Variants in RAPGEF4 observed in about 807,000 individuals in gnomAD.
The protein encoded by RAPGEF4 is Rap guanine nucleotide exchange factor 4.
Under a neutral mutation model 147.9 loss-of-function variants are expected in RAPGEF4, and 66 were observed. The ratio of observed to expected loss-of-function variants is 0.45; its 90% confidence interval spans 0.37 to 0.55. The LOEUF (loss-of-function observed/expected upper bound fraction) is 0.55. RAPGEF4 is among the 20% of genes least tolerant of loss of function. The pLI, the probability that RAPGEF4 is intolerant of heterozygous loss-of-function variation, is 0.00. For synonymous variants in RAPGEF4, 419 were observed against 442.7 expected, an observed-to-expected ratio of 0.95 and a Z score of 0.67; for missense variants, 1,071 against 1,257.3, an observed-to-expected ratio of 0.85 and a Z score of 2.24.
intron 4 of RAPGEF4, chr2:172,894,172 CCTT>C (rs1231144543): frequency 6.6e-6 from 1 of 152,322 alleles, no homozygotes; most frequent in African/African-American, 2.4e-5. Context: ...CACTGCACCA[CCTT>C]CTTCTTTTGC....
At chr2:172,947,655 GTGCTACTCAAATGTT>G (rs1687806341) in intron 6 of RAPGEF4, among the ~76,000 whole-genome samples, 2 of 152,150 alleles carry the variant, frequency 1.3e-5, no homozygotes, top group African/African-American at 4.8e-5. Flanking sequence ...ATATGAGTAA[GTGCTACTCAAATGTT>G]TTTATAAACT....
intron 18 of RAPGEF4, 90 bp from the exon 19 acceptor site, chr2:173,016,259 A>G (rs1695499296): frequency 1.2e-6 from 1 of 839,558 alleles, no homozygotes; most frequent in Non-Finnish European, 2.0e-6. Flanking sequence ...GGTGAAGCAG[A>G]TGACATAGGG....
intron 6 of RAPGEF4, among the ~76,000 whole-genome samples, chr2:172,945,818 C>T (rs111704126): frequency 0.021 from 3,129 of 152,226 alleles, 114 homozygotes; most frequent in African/African-American, 0.071. Context: ...AATAAAGACA[C>T]TGGCTATGTT....
At chr2:172,778,385 T>G (rs1684374276) in intron 1 of RAPGEF4, among the ~76,000 whole-genome samples, 1 of 152,180 alleles carries the variant, frequency 6.6e-6, no homozygotes, top group Non-Finnish European at 1.5e-5. Context: ...CTCCAATGTA[T>G]CTACATACCC....
At chr2:172,827,606 A>G (rs2149656980) in intron 4 of RAPGEF4, among the ~76,000 whole-genome samples, 1 of 152,300 alleles carries the variant, frequency 6.6e-6, no homozygotes, top group Middle Eastern at 3.4e-3. Flanking sequence ...GGAATTGACC[A>G]GGACATAGTG....
chr2:172,769,253 A>G (rs2149484729), intron 1 of RAPGEF4, among the ~76,000 whole-genome samples: 1 of 152,342 alleles, frequency 6.6e-6, no homozygotes, highest in Middle Eastern at 3.4e-3. Flanking sequence ...GTGTGTATGC[A>G]TGGGAGTCAC....
intron 4 of RAPGEF4, among the ~76,000 whole-genome samples, chr2:172,901,265 T>C (rs1216026266): frequency 1.3e-5 from 2 of 152,254 alleles, no homozygotes; most frequent in Non-Finnish European, 2.9e-5. Flanking sequence ...TATTCCTCTG[T>C]ACTTCCTTTT....
intron 8 of RAPGEF4, among the ~76,000 whole-genome samples, chr2:172,964,049 C>T (rs1402215808): frequency 1.3e-5 from 2 of 152,092 alleles, no homozygotes; most frequent in South Asian, 2.1e-4. Context: ...TAAAGGTAAT[C>T]ACTGAATTAA....
intron 3 of RAPGEF4, among the ~76,000 whole-genome samples, chr2:172,810,317 T>C (rs1186469124): frequency 6.6e-6 from 1 of 152,240 alleles, no homozygotes; most frequent in Non-Finnish European, 1.5e-5. Flanking sequence ...GCATTTGTTT[T>C]GAGTCAGGCA....
chr2:172,786,507 G>C (rs1685217353), intron 1 of RAPGEF4, among the ~76,000 whole-genome samples: 1 of 152,130 alleles, frequency 6.6e-6, no homozygotes, highest in Non-Finnish European at 1.5e-5. Context: ...TCGGTGAATG[G>C]AGAGCCATTT....
At chr2:172,820,738 A>T (rs1045345381) in intron 4 of RAPGEF4, among the ~76,000 whole-genome samples, 4 of 152,254 alleles carry the variant, frequency 2.6e-5, no homozygotes, top group Non-Finnish European at 4.4e-5. Flanking sequence ...ATTAGTAAAT[A>T]GAGATATTAA....
intron 1 of RAPGEF4, among the ~76,000 whole-genome samples, chr2:172,750,378 CAA>C (rs1695169165): frequency 6.6e-6 from 1 of 151,892 alleles, no homozygotes; most frequent in Admixed American, 6.6e-5. Flanking sequence ...TGGCGGCAGG[CAA>C]GAGAGAGAAT....
chr2:172,788,239 A>G (rs1685435619), intron 1 of RAPGEF4, among the ~76,000 whole-genome samples: 1 of 152,246 alleles, frequency 6.6e-6, no homozygotes, highest in Non-Finnish European at 1.5e-5. Flanking sequence ...GACTTAGGAC[A>G]CAACATTTAG....
intron 6 of RAPGEF4, among the ~76,000 whole-genome samples, chr2:172,942,390 A>C (rs555128937): frequency 2.0e-5 from 3 of 151,676 alleles, no homozygotes; most frequent in African/African-American, 7.3e-5. Context: ...CCATGTTCAT[A>C]TTTTGCTAAA....
At chr2:172,776,028 G>A (rs7573201) in intron 1 of RAPGEF4, among the ~76,000 whole-genome samples, 141,195 of 152,270 alleles carry the variant, frequency 0.93, 66,121 homozygotes, top group East Asian at 1. Flanking sequence ...GTTCATATAC[G>A]TTTTGACTAA....
At chr2:172,758,723 ACGCGG>A (rs879395058) in intron 1 of RAPGEF4, among the ~76,000 whole-genome samples, 2,162 of 152,308 alleles carry the variant, frequency 0.014, 51 homozygotes, top group African/African-American at 0.049. Context: ...ATCTGTTATG[ACGCGG>A]AAGGCTGTAG....
chr2:172,926,730 C>T, intron 6 of RAPGEF4, among the ~76,000 whole-genome samples: 1 of 152,056 alleles, frequency 6.6e-6, no homozygotes. Flanking sequence ...TGCCACCATA[C>T]CCAGCTAATT....
At chr2:172,966,875 G>T (rs1689895981) in intron 9 of RAPGEF4, among the ~76,000 whole-genome samples, 1 of 152,226 alleles carries the variant, frequency 6.6e-6, no homozygotes, top group East Asian at 1.9e-4. Context: ...TTCAAAGCCT[G>T]TACTTTCCAA....
chr2:172,876,577 C>G (rs1695952963), intron 4 of RAPGEF4, among the ~76,000 whole-genome samples: 1 of 152,256 alleles, frequency 6.6e-6, no homozygotes, highest in South Asian at 2.1e-4. Flanking sequence ...GTTGAACCAG[C>G]CTTGCATCCC....
Sources: allele counts gnomAD v4.1 joint callset (sites outside exome capture counted in the v4.1 genomes callset), GRCh38; gene constraint gnomAD v4.1.1; transcripts MANE v1.5; gene names NCBI Gene and HGNC (gene_info 2026-07-23, HGNC 2026-07-21).